The following SNED1 variants were observed in gnomAD, a reference collection of about 807,000 sequenced individuals.
SNED1 encodes the protein sushi, nidogen and EGF like domains 1.
A neutral mutation model predicts 166.7 loss-of-function variants in SNED1; 81 were observed. The observed-to-expected ratio is 0.49, with a 90% CI of 0.41 to 0.58. SNED1 has a LOEUF of 0.58. Among genes scored for constraint, SNED1 ranks in the 20% least tolerant of loss-of-function variants. The pLI is 0.00. For missense variants in SNED1, 1,604 were observed against 2,000.2 expected (o/e 0.80, Z 3.78); for synonymous variants, 762 against 822.0 (o/e 0.93, Z 1.25).
At position 241,057,382 on chromosome 2, in the gene SNED1, TA is replaced by T. The variant is rs370602766; in HGVS notation, c.2257+4057del. On this transcript the variant is annotated intron_variant, in intron 16 of 31. Coordinates refer to ENST00000310397, the MANE Select transcript of SNED1 (RefSeq NM_001080437.3). ...CGACGAGCAAAACTCCATCTCAAAATATATATATATATATATATATATATAT... is the reference window on the plus strand; with the variant it reads ...CGACGAGCAAAACTCCATCTCAAAATTATATATATATATATATATATATAT... Among the ~76,000 whole-genome samples the T allele has an allele frequency of 7.1e-4, 25 of 35,270 alleles. No individual in the cohort carries two copies. The East Asian group carries it at 0.017, about 24-fold the overall frequency. 23.1% of individuals were successfully genotyped at this position (35,270 alleles called of 152,430 possible). A position where few individuals can be genotyped will look rare whatever the true frequency, so the allele number is the denominator to read the frequency against.
At chr2:241,045,216 A>G (rs543951229) in intron 8 of SNED1, among the ~76,000 whole-genome samples, 1 of 152,360 alleles carries the variant, frequency 6.6e-6, no homozygotes, top group African/African-American at 2.4e-5. Context: ...CGTAGTAAAT[A>G]TGGCAGTGCT....
intron 29 of SNED1, among the ~76,000 whole-genome samples, chr2:241,084,493 C>G (rs1015436382): frequency 6.6e-6 from 1 of 152,140 alleles, no homozygotes; most frequent in African/African-American, 2.4e-5. Context: ...TTCAACTTCA[C>G]GCCGCATACC....
chr2:241,040,142 GGT>G lies in SNED1; in HGVS notation c.1123_1124del (p.Cys375ProfsTer19), dbSNP rs754045348. On this transcript the variant is annotated frameshift_variant, in exon 7 of 32. Transcript: ENST00000310397. LOFTEE classifies it high-confidence loss of function. Reference protein sequence around the residue: ...GQCQVENGSAVCVCQAGYTGA... With the variant: ...GQCQVENGSAXCVCQAGYTGA... ...AGTGCCAGGTGGAGAATGGCTCTGC[GGT>G]GTGTGTGTGCCAGGCCGGATACACC... 1.1e-5 allele frequency: 18 copies of G among 1,598,518 alleles called. No homozygotes were observed. The highest frequency in any genetic ancestry group is 1.0e-4 in the Admixed American group (6 of 58,686).
At chr2:241,056,872 C>T (rs1200408705) in intron 16 of SNED1, among the ~76,000 whole-genome samples, 1 of 151,998 alleles carries the variant, frequency 6.6e-6, no homozygotes, top group Non-Finnish European at 1.5e-5. Flanking sequence ...TGAGCCACTG[C>T]GCCGGGCCAA....
At chr2:241,081,106 G>C (rs1238120895) in intron 27 of SNED1, among the ~76,000 whole-genome samples, 5 of 152,234 alleles carry the variant, frequency 3.3e-5, no homozygotes, top group Non-Finnish European at 7.3e-5. Context: ...CACATCACAG[G>C]CCGCCTGGGC....
intron 2 of SNED1, chr2:241,033,351 G>A (rs1006995951): frequency 3.8e-5 from 7 of 182,526 alleles, no homozygotes; most frequent in Admixed American, 1.8e-4. Flanking sequence ...GCTGCAGCAC[G>A]GCTCTTCCTT....
rs1215914593 is a variant in SNED1 at position 241,053,179 on chromosome 2, G to A, written c.2110G>A (p.Val704Met). 1.2e-6 allele frequency: 2 copies of A among 1,611,082 alleles called. No individual in the cohort carries two copies. The highest frequency in any genetic ancestry group is 2.2e-5 in the East Asian group (1 of 44,870). ...AEVDCGPPEE[V>M]KHATLRFNGT... The stretch of plus-strand genomic sequence containing the variant: ...GGTGGACTGCGGCCCCCCGGAGGAG[G>A]TGAAGCACGCCACACTGCGCTTCAA... The change falls in exon 16 of 32, where the codon GTG becomes ATG. Residue 704 changes from valine (V) to methionine (M), a missense_variant. Transcript: ENST00000310397.
intron 21 of SNED1, among the ~76,000 whole-genome samples, chr2:241,065,938 G>A (rs899024405): frequency 6.6e-6 from 1 of 150,886 alleles, no homozygotes; most frequent in Non-Finnish European, 1.5e-5. Context: ...GGAGACAGGG[G>A]CCGCGGGGGT....
upstream of SNED1, among the ~76,000 whole-genome samples, chr2:240,997,719 G>A (rs2059959493): frequency 6.6e-6 from 1 of 152,148 alleles, no homozygotes. Context: ...CTTATCTTTG[G>A]GGGCCCCAGT....
chr2:241,083,581 C>T (rs554193921), intron 29 of SNED1, among the ~76,000 whole-genome samples: 6 of 152,150 alleles, frequency 3.9e-5, no homozygotes, highest in African/African-American at 7.2e-5. Flanking sequence ...TTTGGGAAGC[C>T]GTGTTGACAG....
In SNED1 at chr2:241,064,396, C is replaced by T. The variant is rs887962665; in HGVS notation, c.2599+271C>T. On this transcript the variant is annotated intron_variant, in intron 19 of 31. Coordinates refer to ENST00000310397, the MANE Select transcript of SNED1 (RefSeq NM_001080437.3). This position sits in a 1 kb window ranked among gnomAD's most constrained non-coding sequence, Gnocchi z 7.0. ...CCGAGGACACACCCAGGGGTGGGGC[C>T]TCACGTCCACACATAGGCCCTGCTG... Among the ~76,000 whole-genome samples, 2 of 152,164 alleles carry T rather than the reference C, an allele frequency of 1.3e-5. No homozygotes were observed. Among genetic ancestry groups the T allele is most frequent in the Non-Finnish European group, 2.9e-5 (2 of 68,026 alleles).
Position 241,073,138 on chromosome 2 carries a change from C to T in SNED1, c.3818-128C>T. 2 of 671,928 alleles carry T rather than the reference C, an allele frequency of 3.0e-6. No individual in the cohort carries two copies. The highest frequency in any genetic ancestry group is 5.1e-6 in the Non-Finnish European group (2 of 394,172). The allele number at this position is 671,928 out of a possible 1,614,324, so 41.6% of individuals were successfully genotyped here. A position where few individuals can be genotyped will look rare whatever the true frequency, so the allele number is the denominator to read the frequency against. On this transcript the variant is annotated intron_variant, in intron 26 of 31. Coordinates refer to ENST00000310397, the MANE Select transcript of SNED1 (RefSeq NM_001080437.3). The surrounding 1 kb of genome is among the most constrained non-coding windows in gnomAD (Gnocchi z 6.6). Reference sequence around the variant, plus strand: ...GGGGCCGACAGGTGCTGGGGCCACGCAGGGAGCCTGGTCCCCACCAGGGAC... The same window carrying T: ...GGGGCCGACAGGTGCTGGGGCCACGTAGGGAGCCTGGTCCCCACCAGGGAC...
intron 21 of SNED1, among the ~76,000 whole-genome samples, chr2:241,066,963 C>T (rs1019301800): frequency 6.6e-6 from 1 of 152,212 alleles, no homozygotes; most frequent in African/African-American, 2.4e-5. Flanking sequence ...CAGTGGAGAG[C>T]CTGGGCGCAT....
At position 241,082,427 on chromosome 2, in the gene SNED1, C is replaced by G. The variant is rs1279988618; in HGVS notation, c.4121+63C>G. 3.0e-6 allele frequency: 4 copies of G among 1,327,154 alleles called. No homozygotes were observed. In the Admixed American group the frequency reaches 6.9e-5, roughly 23 times the overall value. The allele number at this position is 1,327,154 out of a possible 1,614,324, so 82.2% of individuals were successfully genotyped here. ...CGTGTGTTCTTGACTCCTCAAAGTGCTGTCTCAAAGCTACCCAGCTAACCC... is the reference window on the plus strand; with the variant it reads ...CGTGTGTTCTTGACTCCTCAAAGTGGTGTCTCAAAGCTACCCAGCTAACCC... On this transcript the variant is annotated intron_variant, in intron 29 of 31. Coordinates refer to ENST00000310397, the MANE Select transcript of SNED1 (RefSeq NM_001080437.3).
At chr2:241,065,792 A>C (rs898952078) in intron 21 of SNED1, among the ~76,000 whole-genome samples, 197 bp downstream of exon 21, 2 of 152,204 alleles carry the variant, frequency 1.3e-5, no homozygotes, top group African/African-American at 4.8e-5. Flanking sequence ...TGGGTCCACA[A>C]GATACAGGCA....
intron 1 of SNED1, among the ~76,000 whole-genome samples, chr2:241,024,153 A>T (rs1414715062): frequency 4.0e-4 from 56 of 141,400 alleles, no homozygotes; most frequent in Non-Finnish European, 6.6e-4. Context: ...AAGTCCTGGG[A>T]TTACAGGCAG....
At position 241,093,032 on chromosome 2, in the gene SNED1, AT is replaced by A. The variant is rs2064139703; in HGVS notation, c.*1400del. On this transcript the variant is annotated 3_prime_UTR_variant, in exon 32 of 32. Transcript: ENST00000310397. ...AATGTTTTTTGAAGAGTTAGAGTAT[AT>A]TTTAGGCTTTTTATCTTTATTAAAA... 6.6e-6 allele frequency: 1 copy of A among 152,126 alleles called. No homozygotes were observed. Among genetic ancestry groups the A allele is most frequent in the East Asian group, 1.9e-4 (1 of 5,188 alleles). 9.4% of individuals were successfully genotyped at this position (152,126 alleles called of 1,614,324 possible). A position where few individuals can be genotyped will look rare whatever the true frequency, so the allele number is the denominator to read the frequency against.
rs147984954 is a variant in SNED1, at chr2:241,053,163, C to T, written c.2094C>T (p.Cys698=). ...TGCCGTGCCTTGCAGAGGTGGACTGCGGCCCCCCGGAGGAGGTGAAGCACG... is the reference window on the plus strand; with the variant it reads ...TGCCGTGCCTTGCAGAGGTGGACTGTGGCCCCCCGGAGGAGGTGAAGCACG... ...MGRRCQAEVD[C]GPPEEVKHAT... Residue 698 remains cysteine, a synonymous_variant, in exon 16 of 32, where the codon TGC becomes TGT. Coordinates refer to ENST00000310397, the MANE Select transcript of SNED1 (RefSeq NM_001080437.3). 5.6e-4 allele frequency: 902 copies of T among 1,609,538 alleles called. 3 individuals are homozygous for T. In the African/African-American group the frequency reaches 0.01, roughly 19 times the overall value.
At chr2:241,082,462 A>C in intron 29 of SNED1, 98 bp downstream of exon 29, 1 of 840,664 alleles carries the variant, frequency 1.2e-6, no homozygotes, top group Non-Finnish European at 1.9e-6. Flanking sequence ...CTGAGGAGGG[A>C]CGATGGCTGC....
Sources: gnomAD v4.1 joint callset for allele counts (sites outside exome capture counted in the v4.1 genomes callset) on GRCh38, gnomAD v4.1.1 for gene constraint, Gnocchi (gnomAD v3.1) non-coding constraint, MANE v1.5 for transcripts, NCBI Gene and HGNC (gene_info 2026-07-23, HGNC 2026-07-21) for gene names.